Variants in PRKDC observed in about 807,000 individuals in gnomAD.
PRKDC encodes protein kinase, DNA-activated, catalytic subunit.
In PRKDC, 82 loss-of-function variants were observed where a neutral mutation model predicts 486.9. That is an observed-to-expected ratio of 0.17 (90% CI 0.14 to 0.20). PRKDC has a LOEUF of 0.20. Ranked by LOEUF, PRKDC falls within the 10% of genes least tolerant of loss-of-function variation. PRKDC has a pLI of 1.00. For synonymous variants in PRKDC, 1,895 were observed against 1,837.0 expected, an observed-to-expected ratio of 1.03 and a Z score of -0.81; for missense variants, 4,504 against 5,038.2, an observed-to-expected ratio of 0.89 and a Z score of 3.21.
chr8:47,908,453 C>T (rs1189964934), intron 25 of PRKDC, among the ~76,000 whole-genome samples: 1 of 152,136 alleles, frequency 6.6e-6, no homozygotes, highest in African/African-American at 2.4e-5. Context: ...ACTATCAATA[C>T]ATTAACACTT....
At position 47,859,095 on chromosome 8, in the gene PRKDC, G is replaced by A. The variant is rs1280598946; in HGVS notation, c.6208-109C>T. 4.3e-6 allele frequency: 5 copies of A among 1,161,344 alleles called. No individual in the cohort carries two copies. The African/African-American group carries it at 4.6e-5, about 11-fold the overall frequency. The allele number at this position is 1,161,344 out of a possible 1,614,324, so 71.9% of individuals were successfully genotyped here. On this transcript the variant is annotated intron_variant, in intron 46 of 85. Coordinates refer to ENST00000314191, the MANE Select transcript of PRKDC (RefSeq NM_006904.7). ...GGCAACAGCATATAACAAACACTTA[G>A]GTAATAATGATAATCTGGTAATAAT... is the stretch of plus-strand genomic sequence containing the variant.
intron 7 of PRKDC, among the ~76,000 whole-genome samples, chr8:47,949,494 C>T (rs2090592605): frequency 1.3e-5 from 2 of 152,226 alleles, no homozygotes; most frequent in Non-Finnish European, 2.9e-5. Flanking sequence ...CTAAGTGCTA[C>T]TATTTTCCTT....
intron 40 of PRKDC, among the ~76,000 whole-genome samples, chr8:47,867,907 T>C (rs1589753674): frequency 6.6e-6 from 1 of 152,336 alleles, no homozygotes; most frequent in African/African-American, 2.4e-5. Flanking sequence ...AAATGGATGT[T>C]GTAGTTTGTC....
In PRKDC at chr8:47,828,209, T is replaced by C. The variant is rs756509649; in HGVS notation, c.8536A>G (p.Thr2846Ala). ...AAGGGTGGAAAGAAAGAGAAGGTGG[T>C]ATTAAGAAAACGATTGAAGTCTTGA... ...LLQDFNRFLN[T>A]TFSFFPPFVS... The change falls in exon 62 of 86, where the codon ACC (threonine) becomes GCC (alanine). Residue 2846 changes from threonine (T) to alanine (A), a missense_variant. This residue lies in a region of PRKDC where 1,592 missense variants were observed against 1,724.6 expected (regional missense o/e 0.92). Coordinates refer to ENST00000314191, the MANE Select transcript of PRKDC (RefSeq NM_006904.7). 1 of 1,613,804 alleles carries C rather than the reference T, an allele frequency of 6.2e-7. No homozygotes were observed. The highest frequency in any genetic ancestry group is 1.1e-5 in the South Asian group (1 of 91,066).
In PRKDC at chr8:47,773,266, G is replaced by A. The variant is rs1179386385; in HGVS notation, c.*907C>T. On this transcript the variant is annotated 3_prime_UTR_variant, in exon 86 of 86. Coordinates refer to ENST00000314191, the MANE Select transcript of PRKDC (RefSeq NM_006904.7). ...TGTGGAGGACTGGCGGGGGGGGACA[G>A]GGACTGCACATGGGAAGGAGCCACT... The A allele has an allele frequency of 4.4e-6, 1 of 227,720 alleles. No individual in the cohort carries two copies. The highest frequency in any genetic ancestry group is 2.2e-5 in the African/African-American group (1 of 44,912). 14.1% of individuals were successfully genotyped at this position (227,720 alleles called of 1,614,324 possible).
chr8:47,840,487 A>T (rs748392903), intron 54 of PRKDC, among the ~76,000 whole-genome samples: 26 of 152,292 alleles, frequency 1.7e-4, no homozygotes, highest in Admixed American at 3.3e-4. Context: ...TTAATTTCTT[A>T]CTTTTGACAA....
At chr8:47,849,547 T>G (rs372892048) in intron 52 of PRKDC, 44 bp from the exon 53 acceptor site, 2 of 1,596,712 alleles carry the variant, frequency 1.3e-6, no homozygotes, top group Non-Finnish European at 8.5e-7. Context: ...AGTGGAAATG[T>G]AGGTTAAGCA....
In PRKDC at chr8:47,879,622, G is replaced by A. The variant is rs1253208085; in HGVS notation, c.5104C>T (p.Leu1702Phe). 1.3e-6 allele frequency: 2 copies of A among 1,588,550 alleles called. No individual in the cohort carries two copies. Among genetic ancestry groups the A allele is most frequent in the Admixed American group, 3.6e-5 (2 of 55,500 alleles). ...AGTTCCTCCAGACTGCCTCCAGTGAGGCTGGTGAAGAATGGAAGAAGAGTG... is the reference window on the plus strand; with the variant it reads ...AGTTCCTCCAGACTGCCTCCAGTGAAGCTGGTGAAGAATGGAAGAAGAGTG... ...AVTLLPFFTS[L>F]TGGSLEELRR... The change falls in exon 39 of 86, where the codon CTC becomes TTC. Residue 1702 changes from leucine to phenylalanine, a missense_variant. By Grantham distance (22) the Leu-to-Phe change is conservative (BLOSUM62 0). This residue lies in a region of PRKDC where 1,969 missense variants were observed against 2,068.9 expected (regional missense o/e 0.95). Coordinates refer to ENST00000314191, the MANE Select transcript of PRKDC (RefSeq NM_006904.7).
intron 63 of PRKDC, among the ~76,000 whole-genome samples, chr8:47,825,090 C>T (rs1297882513): frequency 2.0e-5 from 3 of 152,136 alleles, no homozygotes; most frequent in African/African-American, 7.2e-5. Context: ...GGTGATGGAG[C>T]AGCAGCTCAT....
chr8:47,776,754 A>G, intron 85 of PRKDC, 90 bp downstream of exon 85: 1 of 1,484,286 alleles, frequency 6.7e-7, no homozygotes, highest in Non-Finnish European at 9.2e-7. Context: ...CAGAGTGTCA[A>G]GAGCTCAGCA....
intron 62 of PRKDC, among the ~76,000 whole-genome samples, chr8:47,827,805 C>A (rs192254139): frequency 3.9e-5 from 6 of 152,204 alleles, no homozygotes; most frequent in Admixed American, 3.9e-4. Context: ...TAAAGCCAGG[C>A]GGGTACTCAG....
intron 30 of PRKDC, among the ~76,000 whole-genome samples, chr8:47,893,757 T>C (rs927571717): frequency 6.6e-6 from 1 of 152,234 alleles, no homozygotes; most frequent in African/African-American, 2.4e-5. Flanking sequence ...TATTTGAACA[T>C]GTGCTTAGAA....
intron 20 of PRKDC, 57 bp downstream of exon 20, chr8:47,927,714 G>GAC: frequency 7.0e-7 from 1 of 1,430,426 alleles, no homozygotes; most frequent in Middle Eastern, 1.8e-4. Flanking sequence ...GTGTTTCTAT[G>GAC]TGCTCTGGGA....
chr8:47,826,968 T>TG, intron 62 of PRKDC, 107 bp from the exon 63 acceptor site: 1 of 1,056,180 alleles, frequency 9.5e-7, no homozygotes, highest in Non-Finnish European at 1.3e-6. Context: ...ATGTGGGTAG[T>TG]GATATCACCA....
At position 47,897,217 on chromosome 8, in the gene PRKDC, G is replaced by A; in HGVS notation, c.3542C>T (p.Thr1181Ile). Residue 1181 changes from threonine (T) to isoleucine (I), a missense_variant, in exon 30 of 86, where the codon ACA becomes ATA. Coordinates refer to ENST00000314191, the MANE Select transcript of PRKDC (RefSeq NM_006904.7). ...TTCAATGGATTTGTGTCGACATTCT[G>A]TCTGGGGCCTCCCACAATGAGCTAA... ...WLLAHCGRPQ[T>I]ECRHKSIELF... 1 of 1,609,188 alleles carries A rather than the reference G, an allele frequency of 6.2e-7. No individual in the cohort carries two copies. The highest frequency in any genetic ancestry group is 1.1e-5 in the South Asian group (1 of 90,734).
At chr8:47,932,784 A>AT (rs1162258711) in intron 16 of PRKDC, among the ~76,000 whole-genome samples, 1 of 151,920 alleles carries the variant, frequency 6.6e-6, no homozygotes, top group East Asian at 1.9e-4. Context: ...CTAGTAAATA[A>AT]TTTTTTCAAA....
At chr8:47,813,319 T>C (rs1056053589) in intron 68 of PRKDC, among the ~76,000 whole-genome samples, 28 of 152,004 alleles carry the variant, frequency 1.8e-4, no homozygotes, top group African/African-American at 6.8e-4. Context: ...GGCTTCACCA[T>C]ATTGGCCAGG....
At chr8:47,819,056 C>T (rs2087521512) in intron 67 of PRKDC, among the ~76,000 whole-genome samples, 1 of 152,188 alleles carries the variant, frequency 6.6e-6, no homozygotes, top group Non-Finnish European at 1.5e-5. Flanking sequence ...GCCTCTTCCC[C>T]ACTGCTCAGG....
At chr8:47,819,767 C>T (rs189863965) in intron 66 of PRKDC, among the ~76,000 whole-genome samples, 14 of 152,270 alleles carry the variant, frequency 9.2e-5, no homozygotes, top group Non-Finnish European at 8.8e-5. Flanking sequence ...ATCACTGCCT[C>T]GACTTGCCAC....
Sources: gnomAD v4.1 joint callset for allele counts (sites outside exome capture counted in the v4.1 genomes callset) on GRCh38, gnomAD v4.1.1 for gene constraint, gnomAD v4.1.1 regional missense constraint, MANE v1.5 for transcripts, NCBI Gene and HGNC (gene_info 2026-07-23, HGNC 2026-07-21) for gene names.